Variants in EFCAB6 observed in about 807,000 individuals in gnomAD.
EFCAB6 encodes EF-hand calcium binding domain 6, also known as EF-hand calcium-binding domain-containing protein 6.
In EFCAB6, 156 loss-of-function variants were observed where a neutral mutation model predicts 169.8. The observed-to-expected ratio is 0.92, with a 90% confidence interval of 0.81 to 1.05. The LOEUF is 1.05. Among genes scored for constraint, EFCAB6 ranks in the 50% least tolerant of loss-of-function variants. The probability of loss-of-function intolerance (pLI) is 0.00; values close to 1 mark genes in which losing one functional copy is unlikely to be tolerated. For missense variants in EFCAB6, 1,800 were observed against 1,829.1 expected (o/e 0.98, Z 0.29); for synonymous variants, 698 against 676.4 (o/e 1.03, Z -0.50).
intron 20 of EFCAB6, among the ~76,000 whole-genome samples, chr22:43,621,750 G>C (rs1223473595): frequency 1.3e-5 from 2 of 151,872 alleles, no homozygotes; most frequent in African/African-American, 2.4e-5. Flanking sequence ...AAAAACAAAA[G>C]CTAGTTCTTT....
intron 8 of EFCAB6, among the ~76,000 whole-genome samples, chr22:43,720,651 G>A (rs2059490445): frequency 6.6e-6 from 1 of 151,854 alleles, no homozygotes; most frequent in Non-Finnish European, 1.5e-5. Flanking sequence ...AAAAGAGAGA[G>A]GAAGGGAGGG....
chr22:43,625,739 C>T (rs2054467105), intron 20 of EFCAB6, among the ~76,000 whole-genome samples: 1 of 152,230 alleles, frequency 6.6e-6, no homozygotes, highest in Non-Finnish European at 1.5e-5. Context: ...TTCTCAGTGC[C>T]CATCAATTAC....
intron 3 of EFCAB6, among the ~76,000 whole-genome samples, chr22:43,775,887 C>A (rs559669596): frequency 6.6e-6 from 1 of 152,250 alleles, no homozygotes; most frequent in Non-Finnish European, 1.5e-5. Context: ...AACTGCTAGC[C>A]ATTCGAGGAC....
At chr22:43,606,085 T>G (rs891398396) in intron 22 of EFCAB6, among the ~76,000 whole-genome samples, 1 of 152,200 alleles carries the variant, frequency 6.6e-6, no homozygotes, top group African/African-American at 2.4e-5. Flanking sequence ...AGGGAGGAAG[T>G]AGAGGAATTA....
At chr22:43,663,003 G>A (rs987504443) in intron 17 of EFCAB6, among the ~76,000 whole-genome samples, 2 of 152,196 alleles carry the variant, frequency 1.3e-5, no homozygotes, top group Admixed American at 6.5e-5. Context: ...CTAAGCTTTG[G>A]TCTCCTTGTT....
intron 13 of EFCAB6, among the ~76,000 whole-genome samples, chr22:43,677,274 A>C (rs2057799601): frequency 1.3e-5 from 2 of 152,202 alleles, no homozygotes; most frequent in South Asian, 4.1e-4. Context: ...TTATTTTTTT[A>C]AAGTTGAACC....
chr22:43,642,318 T>C (rs1324894562), intron 17 of EFCAB6, among the ~76,000 whole-genome samples: 2 of 152,148 alleles, frequency 1.3e-5, no homozygotes, highest in East Asian at 3.9e-4. Flanking sequence ...TAAAGAGAGT[T>C]ATGGGTTTTA....
intron 17 of EFCAB6, among the ~76,000 whole-genome samples, chr22:43,636,852 C>T (rs960500439): frequency 5.9e-5 from 9 of 152,012 alleles, no homozygotes; most frequent in South Asian, 2.1e-4. Context: ...CCTCGTGATC[C>T]GCCTGCCTCA....
chr22:43,794,952 A>C (rs943827464), intron 2 of EFCAB6, among the ~76,000 whole-genome samples: 7 of 152,166 alleles, frequency 4.6e-5, no homozygotes, highest in African/African-American at 1.7e-4. Flanking sequence ...TGAGCTTATA[A>C]ACTGACCTGC....
chr22:43,626,359 T>A (rs571746188), intron 20 of EFCAB6, 88 bp downstream of exon 20: 13 of 1,260,562 alleles, frequency 1.0e-5, no homozygotes, highest in Middle Eastern at 1.9e-4. Flanking sequence ...ATTCTTTGTA[T>A]CCCTTTGCGG....
chr22:43,768,760 G>GATC (rs2061388804), intron 4 of EFCAB6, among the ~76,000 whole-genome samples: 1 of 152,150 alleles, frequency 6.6e-6, no homozygotes, highest in Non-Finnish European at 1.5e-5. Flanking sequence ...CATATTTTCT[G>GATC]TACTTTTGCT....
intron 8 of EFCAB6, among the ~76,000 whole-genome samples, chr22:43,724,016 C>G (rs1375171473): frequency 1.3e-5 from 2 of 152,192 alleles, no homozygotes; most frequent in East Asian, 3.9e-4. Context: ...TTATTTTGTT[C>G]TCATGAACAT....
At chr22:43,730,927 A>G (rs1332971073) in intron 8 of EFCAB6, among the ~76,000 whole-genome samples, 1 of 152,176 alleles carries the variant, frequency 6.6e-6, no homozygotes, top group Non-Finnish European at 1.5e-5. Flanking sequence ...ATCATAGAAC[A>G]TGGTCCCTGA....
At chr22:43,558,364 T>G (rs1003936979) in intron 26 of EFCAB6, among the ~76,000 whole-genome samples, 3 of 152,180 alleles carry the variant, frequency 2.0e-5, no homozygotes, top group Non-Finnish European at 2.9e-5. Context: ...ATTGAATACC[T>G]CTGGATAAAT....
chr22:43,679,621 T>C (rs1243065880), intron 12 of EFCAB6, among the ~76,000 whole-genome samples: 1 of 152,196 alleles, frequency 6.6e-6, no homozygotes, highest in Non-Finnish European at 1.5e-5. Flanking sequence ...AGTTCCAGTA[T>C]CTCCACATAT....
chr22:43,704,551 T>A (rs1252716430), intron 10 of EFCAB6, among the ~76,000 whole-genome samples: 2 of 152,166 alleles, frequency 1.3e-5, no homozygotes, highest in Non-Finnish European at 2.9e-5. Flanking sequence ...ACAGAACTAT[T>A]AATAACAACT....
At chr22:43,670,821 T>A (rs1342078600) in intron 15 of EFCAB6, among the ~76,000 whole-genome samples, 1 of 152,140 alleles carries the variant, frequency 6.6e-6, no homozygotes, top group Non-Finnish European at 1.5e-5. Flanking sequence ...GGCCCAGCGT[T>A]TTCAAGGAGT....
chr22:43,762,766 A>G (rs545327657), intron 5 of EFCAB6, among the ~76,000 whole-genome samples: 2 of 152,338 alleles, frequency 1.3e-5, no homozygotes, highest in African/African-American at 4.8e-5. Flanking sequence ...AATAAGGAAA[A>G]AAAGGCTCTC....
chr22:43,670,957 T>G (rs914544804), intron 15 of EFCAB6, among the ~76,000 whole-genome samples: 6 of 152,178 alleles, frequency 3.9e-5, no homozygotes, highest in Non-Finnish European at 7.3e-5. Context: ...GTGTATAAGA[T>G]CTCATTTGAT....
Sources: gnomAD v4.1 joint callset for allele counts (sites outside exome capture counted in the v4.1 genomes callset) on GRCh38, gnomAD v4.1.1 for gene constraint, MANE v1.5 for transcripts, NCBI Gene and HGNC (gene_info 2026-07-23, HGNC 2026-07-21) for gene names.